BDP1: variants seen among roughly 807,000 people sequenced by gnomAD.
BDP1 encodes the protein BDP1 general transcription factor IIIB subunit.
Under a neutral mutation model 266.6 loss-of-function variants are expected in BDP1, and 169 were observed. The observed-to-expected ratio is 0.63, with a 90% CI of 0.56 to 0.72. The LOEUF (loss-of-function observed/expected upper bound fraction) is 0.72. Among genes scored for constraint, BDP1 ranks in the 30% least tolerant of loss-of-function variants. BDP1 has a pLI of 0.00. For missense variants in BDP1, 3,015 were observed against 3,053.8 expected, an observed-to-expected ratio of 0.99 and a Z score of 0.30; for synonymous variants, 1,090 against 1,022.4, an observed-to-expected ratio of 1.07 and a Z score of -1.26.
At chr5:71,536,960 C>T (rs1295263757) in intron 26 of BDP1, among the ~76,000 whole-genome samples, 1 of 151,974 alleles carries the variant, frequency 6.6e-6, no homozygotes, top group Non-Finnish European at 1.5e-5. Context: ...AACCCCGTCT[C>T]TACTAAAAAT....
Position 71,560,099 on chromosome 5 carries a change from A to G in BDP1, c.7358A>G (p.Asp2453Gly). The change falls in exon 37 of 39, where the codon GAT (aspartate) becomes GGT (glycine). Residue 2453 changes from aspartate to glycine, a missense_variant. Asp to Gly is a moderately conservative substitution (Grantham distance 94). Coordinates refer to ENST00000358731, the MANE Select transcript of BDP1 (RefSeq NM_018429.3). ...AFQSRGSRSPDACMDKNVPQL... is the reference protein window; with the variant it reads ...AFQSRGSRSPGACMDKNVPQL... ...CAGAGTAGAGGATCTAGATCTCCTG[A>G]TGCATGCATGGACAAGAATGTGCCT... 6.2e-7 allele frequency: 1 copy of G among 1,614,150 alleles called. No individual in the cohort carries two copies. The highest frequency in any genetic ancestry group is 1.1e-5 in the South Asian group (1 of 91,080).
At chr5:71,526,673 A>G (rs961049673) in intron 25 of BDP1, among the ~76,000 whole-genome samples, 4 of 142,230 alleles carry the variant, frequency 2.8e-5, no homozygotes, top group Admixed American at 7.0e-5. Flanking sequence ...AAAATTTACT[A>G]TCTCTCTCTC....
At chr5:71,478,302 A>G (rs1762724521) in intron 7 of BDP1, among the ~76,000 whole-genome samples, 1 of 150,542 alleles carries the variant, frequency 6.6e-6, no homozygotes, top group African/African-American at 2.5e-5. Flanking sequence ...CTCTCTACAT[A>G]TAGATATATA....
intron 34 of BDP1, among the ~76,000 whole-genome samples, chr5:71,552,022 A>T (rs1433828513): frequency 6.9e-6 from 1 of 144,920 alleles, no homozygotes; most frequent in Non-Finnish European, 1.5e-5. Context: ...TCCCTCCCGG[A>T]CGGGGTGGCT....
At chr5:71,550,260 C>A (rs1742651142) in intron 34 of BDP1, among the ~76,000 whole-genome samples, 1 of 152,160 alleles carries the variant, frequency 6.6e-6, no homozygotes, top group Non-Finnish European at 1.5e-5. Context: ...GTGGCCTGCG[C>A]CTGTAATCCC....
Position 71,501,567 on chromosome 5 carries a change from C to A in BDP1, c.1962C>A (p.His654Gln), listed in dbSNP as rs779048140. ...GTAGCAAATTAAATTCACAGAACCA[C>A]GTGGAAAAAGATAAAATGAATACAT... ...SHSKTSVEKNHVEKDKMNTLD... is the reference protein window; with the variant it reads ...SHSKTSVEKNQVEKDKMNTLD... Residue 654 changes from histidine to glutamine, a missense_variant, in exon 14 of 39, where the codon CAC (histidine) becomes CAA (glutamine). His to Gln is a conservative substitution (Grantham distance 24, BLOSUM62 0). Transcript: ENST00000358731. 6.4e-7 allele frequency: 1 copy of A among 1,567,638 alleles called. No individual in the cohort carries two copies. Among genetic ancestry groups the A allele is most frequent in the Non-Finnish European group, 8.7e-7 (1 of 1,144,580 alleles).
At chr5:71,492,513 GC>G (rs1205290889) in intron 11 of BDP1, among the ~76,000 whole-genome samples, 1 of 152,108 alleles carries the variant, frequency 6.6e-6, no homozygotes, top group Non-Finnish European at 1.5e-5. Flanking sequence ...ATCTTTCATA[GC>G]TGTTAGCCAT....
At chr5:71,553,353 C>T (rs1742990696) in intron 35 of BDP1, 33 bp downstream of exon 35, 1 of 1,494,820 alleles carries the variant, frequency 6.7e-7, no homozygotes, top group South Asian at 1.2e-5. Flanking sequence ...CTCAATATGG[C>T]CATTAAGTAA....
chr5:71,495,553 A>G lies in BDP1; in HGVS notation c.1799+145A>G, dbSNP rs1763835462. On this transcript the variant is annotated intron_variant, in intron 12 of 38. Coordinates refer to ENST00000358731, the MANE Select transcript of BDP1 (RefSeq NM_018429.3). The stretch of plus-strand genomic sequence containing the variant: ...AGGGAATCATTTAATATGTAATTAT[A>G]CTGTAGTCTGTTCAGAGTGTAACAT... The G allele has an allele frequency of 1.0e-5, 5 of 498,120 alleles. No individual in the cohort carries two copies. The South Asian group carries it at 2.0e-4, about 20-fold the overall frequency. The allele number at this position is 498,120 out of a possible 1,614,324, so 30.9% of individuals were successfully genotyped here. A position where few individuals can be genotyped will look rare whatever the true frequency, so the allele number is the denominator to read the frequency against.
At chr5:71,497,919 G>A (rs949156987) in intron 13 of BDP1, among the ~76,000 whole-genome samples, 6 of 152,072 alleles carry the variant, frequency 3.9e-5, no homozygotes, top group African/African-American at 1.4e-4. Flanking sequence ...CTCCCCAGTA[G>A]CTGGGACTAC....
downstream of BDP1, among the ~76,000 whole-genome samples, chr5:71,568,769 T>C (rs1225638996): frequency 6.6e-6 from 1 of 152,242 alleles, no homozygotes; most frequent in African/African-American, 2.4e-5. Context: ...TAATTCGTGC[T>C]TTCCAGCTCC....
At chr5:71,460,357 G>C (rs555771968) in intron 2 of BDP1, among the ~76,000 whole-genome samples, 1 of 152,324 alleles carries the variant, frequency 6.6e-6, no homozygotes, top group African/African-American at 2.4e-5. Context: ...TCCAGCATGA[G>C]TGACAGAGCG....
At chr5:71,519,072 A>G (rs1043489499) in intron 22 of BDP1, among the ~76,000 whole-genome samples, 6 of 151,820 alleles carry the variant, frequency 4.0e-5, no homozygotes, top group Non-Finnish European at 7.4e-5. Context: ...CACCCACCTC[A>G]GCCTCCCAAA....
chr5:71,495,158 G>A, intron 11 of BDP1, 92 bp from the exon 12 acceptor site: 2 of 729,138 alleles, frequency 2.7e-6, no homozygotes, highest in South Asian at 7.8e-5. Flanking sequence ...CTTGCAAAAT[G>A]GTGATTTTGT....
At chr5:71,505,492 A>AT (rs1764528811) in intron 16 of BDP1, among the ~76,000 whole-genome samples, 1 of 152,100 alleles carries the variant, frequency 6.6e-6, no homozygotes, top group African/African-American at 2.4e-5. Context: ...AGTCTTTTCT[A>AT]TTTTTTATTT....
intron 33 of BDP1, among the ~76,000 whole-genome samples, chr5:71,549,111 A>G (rs1580198012): frequency 6.6e-6 from 1 of 152,102 alleles, no homozygotes; most frequent in South Asian, 2.1e-4. Flanking sequence ...GGTGGCATGC[A>G]CCTGTAATCC....
chr5:71,455,992 C>G lies in BDP1; in HGVS notation c.115C>G (p.Pro39Ala), dbSNP rs750906525. The G allele has an allele frequency of 6.8e-6, 11 of 1,613,538 alleles. No individual in the cohort carries two copies. The highest frequency in any genetic ancestry group is 7.6e-6 in the Non-Finnish European group (9 of 1,179,982). Residue 39 changes from proline (P) to alanine (A), a missense_variant, in exon 1 of 39, where the codon CCT becomes GCT. Pro to Ala is a conservative substitution (Grantham distance 27). Around this residue, in one of 3 missense-constraint regions of BDP1, gnomAD observed 2,383 missense variants for 2,404.9 expected, o/e 0.99. Coordinates refer to ENST00000358731, the MANE Select transcript of BDP1 (RefSeq NM_018429.3). ...RGRESPRPPD[P>A]ATDSASKPAE... ...ACGGGAGTCTCCCAGGCCGCCGGAT[C>G]CTGCCACGGACTCTGCTTCCAAGCC...
downstream of BDP1, among the ~76,000 whole-genome samples, chr5:71,572,680 T>C (rs957904211): frequency 6.6e-6 from 1 of 152,230 alleles, no homozygotes; most frequent in African/African-American, 2.4e-5. Flanking sequence ...ATTAAGATGC[T>C]ACAGGAGGTT....
chr5:71,568,086 A>C (rs1449618010), downstream of BDP1, among the ~76,000 whole-genome samples: 1 of 152,150 alleles, frequency 6.6e-6, no homozygotes, highest in Non-Finnish European at 1.5e-5. Context: ...TTGAGGCTGC[A>C]GTGAGCTGTG....
Sources: gnomAD v4.1 joint callset for allele counts (sites outside exome capture counted in the v4.1 genomes callset) on GRCh38, gnomAD v4.1.1 for gene constraint, gnomAD v4.1.1 regional missense constraint, MANE v1.5 for transcripts, NCBI Gene and HGNC (gene_info 2026-07-23, HGNC 2026-07-21) for gene names.